Variants in ST3GAL1 observed in about 807,000 individuals in gnomAD.
ST3GAL1 encodes the protein ST3 beta-galactoside alpha-2,3-sialyltransferase 1, also known as CMP-N-acetylneuraminate-beta-galactosamide-alpha-2,3-sialyltransferase 1.
Under a neutral mutation model 34.1 loss-of-function variants are expected in ST3GAL1, and 16 were observed. That is an observed-to-expected ratio of 0.47 (90% CI 0.32 to 0.71). The LOEUF is 0.71. ST3GAL1 is among the 30% of genes least tolerant of loss of function. The pLI, the probability that ST3GAL1 is intolerant of heterozygous loss-of-function variation, is 0.04. For missense variants in ST3GAL1, 353 were observed against 447.4 expected, an observed-to-expected ratio of 0.79 and a Z score of 1.90; for synonymous variants, 191 against 184.7, an observed-to-expected ratio of 1.03 and a Z score of -0.28.
chr8:133,465,047 T>A, intron 6 of ST3GAL1, 90 bp from the exon 7 acceptor site: 1 of 1,393,666 alleles, frequency 7.2e-7, no homozygotes. Flanking sequence ...GCCTCCAGTG[T>A]GACTTCAGGG....
At chr8:133,499,454 G>C (rs1817079402) in intron 2 of ST3GAL1, 1 of 152,154 alleles carries the variant, frequency 6.6e-6, no homozygotes, top group South Asian at 2.1e-4. Context: ...TGATCTCTAA[G>C]ACCACTTCCT....
At chr8:133,501,657 C>T (rs1161398925) in intron 2 of ST3GAL1, among the ~76,000 whole-genome samples, 5 of 151,980 alleles carry the variant, frequency 3.3e-5, no homozygotes, top group Non-Finnish European at 5.9e-5. Context: ...GCTGAGGCAG[C>T]AGAATCGCTT....
intron 5 of ST3GAL1, among the ~76,000 whole-genome samples, chr8:133,474,415 T>G (rs2737426): frequency 0.29 from 43,933 of 152,134 alleles, 7,038 homozygotes; most frequent in Non-Finnish European, 0.37. Context: ...AAATAAGACA[T>G]GAACACATAT....
At chr8:133,541,760 C>T (rs961096169) in intron 2 of ST3GAL1, among the ~76,000 whole-genome samples, 1 of 152,154 alleles carries the variant, frequency 6.6e-6, no homozygotes, top group Non-Finnish European at 1.5e-5. Flanking sequence ...ATAATCTGCA[C>T]AAGTTAATTA....
At chr8:133,535,252 T>C (rs545825639) in intron 2 of ST3GAL1, among the ~76,000 whole-genome samples, 21 of 152,334 alleles carry the variant, frequency 1.4e-4, no homozygotes, top group African/African-American at 4.8e-4. Flanking sequence ...ATTATATCTA[T>C]ATCTATATCC....
chr8:133,475,974 G>C lies in ST3GAL1; in HGVS notation c.51C>G (p.Leu17=), dbSNP rs148736983. The C allele has an allele frequency of 1.2e-6, 2 of 1,612,884 alleles. No individual in the cohort carries two copies. The highest frequency in any genetic ancestry group is 1.7e-6 in the Non-Finnish European group (2 of 1,179,448). The part of the protein sequence containing the change: ...RTLKVLTFLV[L]FIFLTSFFLN... ...GGAAGAAGGAGGTGAGGAAGATGAAGAGCACGAGGAAGGTGAGCACTTTCA... is the reference window on the plus strand; with the variant it reads ...GGAAGAAGGAGGTGAGGAAGATGAACAGCACGAGGAAGGTGAGCACTTTCA... Residue 17 remains leucine (L), a synonymous_variant, in exon 5 of 10, where the codon CTC becomes CTG. Coordinates refer to ENST00000522652, the MANE Select transcript of ST3GAL1 (RefSeq NM_173344.3).
At chr8:133,533,490 C>T (rs1299284788) in intron 2 of ST3GAL1, among the ~76,000 whole-genome samples, 1 of 152,208 alleles carries the variant, frequency 6.6e-6, no homozygotes, top group Admixed American at 6.5e-5. Flanking sequence ...GGCTTTCTCT[C>T]CTATCAGGAG....
chr8:133,527,515 C>G (rs528330117), intron 2 of ST3GAL1, among the ~76,000 whole-genome samples: 3 of 152,302 alleles, frequency 2.0e-5, no homozygotes, highest in South Asian at 4.1e-4. Flanking sequence ...CAACTTTGCC[C>G]TAAGCTACAG....
intron 1 of ST3GAL1, among the ~76,000 whole-genome samples, chr8:133,555,376 T>C (rs917099246): frequency 6.6e-6 from 1 of 152,106 alleles, no homozygotes; most frequent in Admixed American, 6.6e-5. Flanking sequence ...TCACTTTCCA[T>C]GTGTCGTTTC....
Position 133,463,417 on chromosome 8 carries a change from A to G in ST3GAL1, c.726T>C (p.Asp242=). Residue 242 remains aspartate (D), a synonymous_variant, in exon 8 of 10, where the codon GAT becomes GAC. Coordinates refer to ENST00000522652, the MANE Select transcript of ST3GAL1 (RefSeq NM_173344.3). The stretch of plus-strand genomic sequence containing the variant: ...AGGGGCCGGGGCCTCCACTCACCTT[A>G]TCCTGTTTCACTCTGATCTTTGCAG... ...PVPAKIRVKQ[D]KILIYHPAFI... 1 of 1,613,874 alleles carries G rather than the reference A, an allele frequency of 6.2e-7. No homozygotes were observed. The highest frequency in any genetic ancestry group is 1.3e-5 in the African/African-American group (1 of 75,004).
chr8:133,500,737 T>C (rs1264587408), intron 2 of ST3GAL1, among the ~76,000 whole-genome samples: 2 of 152,152 alleles, frequency 1.3e-5, no homozygotes, highest in African/African-American at 2.4e-5. Flanking sequence ...ATGAAGTGCG[T>C]AAAGCATGCT....
rs1815524818 is a variant in ST3GAL1 at position 133,461,885 on chromosome 8, A to G, written c.839T>C (p.Val280Ala). Reference sequence around the variant, plus strand: ...GGGAGGGTGGCATACCTCATCGCAGACATGCATTGAGAAGATGACCGAGAG... The same window carrying G: ...GGGAGGGTGGCATACCTCATCGCAGGCATGCATTGAGAAGATGACCGAGAG... ...GILSVIFSMH[V>A]CDEVDLYGFG... is the part of the protein sequence containing the mutation. The change falls in exon 9 of 10, where the codon GTC becomes GCC. Residue 280 changes from valine to alanine, a missense_variant. Coordinates refer to ENST00000522652, the MANE Select transcript of ST3GAL1 (RefSeq NM_173344.3). The surrounding 1 kb of genome is among the most constrained non-coding windows in gnomAD (Gnocchi z 4.7). 1 of 1,614,098 alleles carries G rather than the reference A, an allele frequency of 6.2e-7. No individual in the cohort carries two copies. The highest frequency in any genetic ancestry group is 8.5e-7 in the Non-Finnish European group (1 of 1,179,994).
intron 8 of ST3GAL1, among the ~76,000 whole-genome samples, 200 bp downstream of exon 8, chr8:133,463,214 C>T (rs1287548085): frequency 2.0e-5 from 3 of 152,254 alleles, no homozygotes; most frequent in Non-Finnish European, 2.9e-5. Context: ...CCGGGTGATG[C>T]TGCTGGCCCG....
At chr8:133,510,313 T>C (rs977229077) in intron 2 of ST3GAL1, among the ~76,000 whole-genome samples, 1 of 152,192 alleles carries the variant, frequency 6.6e-6, no homozygotes, top group East Asian at 1.9e-4. Flanking sequence ...AACTATCAGA[T>C]ACGAGGCCAA....
chr8:133,494,070 A>G (rs913114630), intron 3 of ST3GAL1, among the ~76,000 whole-genome samples: 1 of 152,222 alleles, frequency 6.6e-6, no homozygotes, highest in African/African-American at 2.4e-5. Context: ...CTCAGTGAAG[A>G]AAAGGGATAA....
chr8:133,466,977 C>G lies in ST3GAL1; in HGVS notation c.307-887G>C, dbSNP rs2130926400. ...GGGCATGGTGGTGCCCACCTGTAGT[C>G]CCAGCTACTTGGGAGGCTGAAGTGG... On this transcript the variant is annotated intron_variant, in intron 5 of 9. Transcript: ENST00000522652. The surrounding 1 kb of genome is among the most constrained non-coding windows in gnomAD (Gnocchi z 4.4). Among the ~76,000 whole-genome samples the G allele has an allele frequency of 6.6e-6, 1 of 152,106 alleles. No individual in the cohort carries two copies. Among genetic ancestry groups the G allele is most frequent in the Admixed American group, 6.5e-5 (1 of 15,274 alleles).
At position 133,459,924 on chromosome 8, in the gene ST3GAL1, C is replaced by T; in HGVS notation, c.863G>A (p.Gly288Asp). ...GTTCCCTTTGCTGTCTGCCCCGAAG[C>T]CGTACAAGTCCACCTGTGGGAGCAA... ...MHVCDEVDLYGFGADSKGNWH... is the reference protein window; with the variant it reads ...MHVCDEVDLYDFGADSKGNWH... Residue 288 changes from glycine (G) to aspartate (D), a missense_variant, in exon 10 of 10, where the codon GGC (glycine) becomes GAC (aspartate). Gly to Asp is a moderately conservative substitution (Grantham distance 94). Transcript: ENST00000522652. This position sits in a 1 kb window ranked among gnomAD's most constrained non-coding sequence, Gnocchi z 4.7. 1 of 1,612,026 alleles carries T rather than the reference C, an allele frequency of 6.2e-7. No homozygotes were observed. The highest frequency in any genetic ancestry group is 8.5e-7 in the Non-Finnish European group (1 of 1,178,822).
At chr8:133,542,712 T>C (rs1586656367) in intron 2 of ST3GAL1, among the ~76,000 whole-genome samples, 2 of 147,570 alleles carry the variant, frequency 1.4e-5, no homozygotes, top group Admixed American at 1.4e-4. Flanking sequence ...GAGACAGAGG[T>C]TGCAGTGGGC....
rs1586573638 is a variant in ST3GAL1 at position 133,455,015 on chromosome 8, A to T, written c.*4749T>A. The T allele has an allele frequency of 6.6e-6, 1 of 152,016 alleles. No individual in the cohort carries two copies. Among genetic ancestry groups the T allele is most frequent in the African/African-American group, 2.4e-5 (1 of 41,342 alleles). 9.4% of individuals were successfully genotyped at this position (152,016 alleles called of 1,614,324 possible). On this transcript the variant is annotated 3_prime_UTR_variant, in exon 10 of 10. Transcript: ENST00000522652. Reference sequence around the variant, plus strand: ...AACGACATGGAGAGAGGCAGGGGGGAATAGAAAGCAAATTTAAAAACACCA... The same window carrying T: ...AACGACATGGAGAGAGGCAGGGGGGTATAGAAAGCAAATTTAAAAACACCA...
Sources: gnomAD v4.1 joint callset for allele counts (sites outside exome capture counted in the v4.1 genomes callset) on GRCh38, gnomAD v4.1.1 for gene constraint, Gnocchi (gnomAD v3.1) non-coding constraint, MANE v1.5 for transcripts, NCBI Gene and HGNC (gene_info 2026-07-23, HGNC 2026-07-21) for gene names.